TMF1: variants seen among roughly 807,000 people sequenced by gnomAD.
The protein encoded by TMF1 is TATA element modulatory factor.
In TMF1, 71 loss-of-function variants were observed where a neutral mutation model predicts 126.5. The observed-to-expected ratio is 0.56, with a 90% CI of 0.46 to 0.68. The LOEUF (loss-of-function observed/expected upper bound fraction) is 0.68, where lower values mean the gene tolerates loss of function less well. TMF1 is among the 30% of genes least tolerant of loss of function. The pLI, the probability that TMF1 is intolerant of heterozygous loss-of-function variation, is 0.00. For synonymous variants in TMF1, 461 were observed against 430.5 expected (o/e 1.07, Z -0.88); for missense variants, 1,259 against 1,253.2 (o/e 1.00, Z -0.07).
At chr3:69,044,961 A>G (rs2091887387) in intron 2 of TMF1, among the ~76,000 whole-genome samples, 1 of 152,250 alleles carries the variant, frequency 6.6e-6, no homozygotes, top group South Asian at 2.1e-4. Flanking sequence ...TACTTTATGT[A>G]GCTTCCTGGT....
intron 11 of TMF1, among the ~76,000 whole-genome samples, chr3:69,029,048 T>A (rs570209311): frequency 6.6e-6 from 1 of 151,866 alleles, no homozygotes; most frequent in Non-Finnish European, 1.5e-5. Context: ...ATTTATTTTT[T>A]TTTTTTTGGA....
chr3:69,035,681 T>A (rs561726684), intron 8 of TMF1, among the ~76,000 whole-genome samples: 10 of 152,110 alleles, frequency 6.6e-5, no homozygotes, highest in Middle Eastern at 3.4e-3. Flanking sequence ...ATATTCTAAA[T>A]CTCCATCACT....
At chr3:69,039,180 G>A (rs2091849851) in intron 6 of TMF1, among the ~76,000 whole-genome samples, 171 bp from the exon 7 acceptor site, 1 of 152,150 alleles carries the variant, frequency 6.6e-6, no homozygotes, top group Non-Finnish European at 1.5e-5. Context: ...CTGCCTCCCA[G>A]CTTCAGGCAA....
rs558653821 is a variant in TMF1, at chr3:69,052,185, T to G, written c.-99A>C. On this transcript the variant is annotated 5_prime_UTR_variant, in exon 1 of 17. Coordinates refer to ENST00000398559, the MANE Select transcript of TMF1 (RefSeq NM_007114.3). ...GAACGGCTTCGCTCCCCTTTTCCAC[T>G]CGGCTGGTTCTGTCAGCGTGTGGCC... is the stretch of plus-strand genomic sequence containing the variant. 2 of 1,348,592 alleles carry G rather than the reference T, an allele frequency of 1.5e-6. No individual in the cohort carries two copies. The highest frequency in any genetic ancestry group is 2.0e-6 in the Non-Finnish European group (2 of 1,009,422). The allele number at this position is 1,348,592 out of a possible 1,614,324, so 83.5% of individuals were successfully genotyped here. A position where few individuals can be genotyped will look rare whatever the true frequency, so the allele number is the denominator to read the frequency against.
At chr3:69,025,470 T>G (rs553448896) in intron 15 of TMF1, 90 bp downstream of exon 15, 1 of 1,277,798 alleles carries the variant, frequency 7.8e-7, no homozygotes, top group South Asian at 1.5e-5. Flanking sequence ...GTTTCTCAAT[T>G]TGCTCAGAAT....
At chr3:69,033,884 G>A (rs2091818256) in intron 9 of TMF1, 180 bp from the exon 10 acceptor site, 1 of 529,752 alleles carries the variant, frequency 1.9e-6, no homozygotes, top group South Asian at 2.7e-5. Context: ...AGGCTGGAGT[G>A]CAGTGGCACA....
In TMF1 at chr3:69,052,277, A is replaced by AG. The variant is rs150297020; in HGVS notation, c.-192dup. On this transcript the variant is annotated 5_prime_UTR_variant, in exon 1 of 17. An upstream open reading frame in the 5' UTR loses its in-frame stop. Transcript: ENST00000398559. The stretch of plus-strand genomic sequence containing the variant: ...GGCCGTTCCCGCACAGCTGAGACGA[A>AG]GGGGGCCCATGTGCGCATGCGCTTG... 5.8e-3 allele frequency: 3,064 copies of AG among 524,698 alleles called. 76 individuals carry two copies. Among genetic ancestry groups the AG allele is most frequent in the African/African-American group, 0.055 (2,803 of 50,868 alleles). 32.5% of individuals were successfully genotyped at this position (524,698 alleles called of 1,614,324 possible).
At chr3:69,046,014 C>G (rs1173879358) in intron 2 of TMF1, among the ~76,000 whole-genome samples, 1 of 152,084 alleles carries the variant, frequency 6.6e-6, no homozygotes, top group Non-Finnish European at 1.5e-5. Context: ...CATGATCGCA[C>G]CACTGCACAC....
rs544000993 is a variant in TMF1, at chr3:69,042,964, T to C, written c.1579-52A>G. 4.8e-5 allele frequency: 62 copies of C among 1,286,244 alleles called. No homozygotes were observed. The South Asian group carries it at 6.3e-4, about 13-fold the overall frequency. The allele number at this position is 1,286,244 out of a possible 1,614,324, so 79.7% of individuals were successfully genotyped here. Reference sequence around the variant, plus strand: ...CGTAAAGAATGACTTTCACTCTAAGTACAGTTCTCATTTCTCCCCCATCCA... The same window carrying C: ...CGTAAAGAATGACTTTCACTCTAAGCACAGTTCTCATTTCTCCCCCATCCA... On this transcript the variant is annotated intron_variant, in intron 4 of 16. Transcript: ENST00000398559.
chr3:69,025,249 G>A (rs146113769), intron 15 of TMF1: 60 of 216,612 alleles, frequency 2.8e-4, no homozygotes, highest in Non-Finnish European at 4.2e-4. Context: ...GGGATTCTCT[G>A]CTCCTAGATG....
intron 8 of TMF1, among the ~76,000 whole-genome samples, chr3:69,038,067 A>G (rs2091842504): frequency 6.6e-6 from 1 of 152,212 alleles, no homozygotes; most frequent in South Asian, 2.1e-4. Flanking sequence ...AATTTAAAAT[A>G]TATGTTCACA....
Position 69,052,243 on chromosome 3 carries a change from G to T in TMF1, c.-157C>A. 2.5e-6 allele frequency: 2 copies of T among 788,390 alleles called. No individual in the cohort carries two copies. Among genetic ancestry groups the T allele is most frequent in the Non-Finnish European group, 3.8e-6 (2 of 525,608 alleles). The allele number at this position is 788,390 out of a possible 1,614,324, so 48.8% of individuals were successfully genotyped here. ...CGACAGCCTCCCGCGAGCCCGGGATGTTACCCTCGGCCGTTCCCGCACAGC... is the reference window on the plus strand; with the variant it reads ...CGACAGCCTCCCGCGAGCCCGGGATTTTACCCTCGGCCGTTCCCGCACAGC... On this transcript the variant is annotated 5_prime_UTR_variant, in exon 1 of 17. Coordinates refer to ENST00000398559, the MANE Select transcript of TMF1 (RefSeq NM_007114.3).
chr3:69,051,842 A>G, intron 1 of TMF1, 103 bp downstream of exon 1: 5 of 1,343,952 alleles, frequency 3.7e-6, no homozygotes, highest in Non-Finnish European at 5.0e-6. Flanking sequence ...CTTCCTGAAA[A>G]CTCTCTCAGC....
chr3:69,049,676 C>T lies in TMF1; in HGVS notation c.143-1114G>A, dbSNP rs528367378. 1.2e-4 allele frequency among the ~76,000 whole-genome samples: 19 copies of T among 152,034 alleles called. No individual in the cohort carries two copies. The South Asian group carries it at 3.3e-3, about 27-fold the overall frequency. On this transcript the variant is annotated intron_variant, in intron 1 of 16. Coordinates refer to ENST00000398559, the MANE Select transcript of TMF1 (RefSeq NM_007114.3). ...GTTGACACTAGGGTTTTTAAAAAAG[C>T]GCTACAAAGAAAATGACTGTTTTCT...
At position 69,027,054 on chromosome 3, in the gene TMF1, G is replaced by T. The variant is rs950308343; in HGVS notation, c.2757+846C>A. ...TCTGTTGCCCAGGCTGGAATGCAGT[G>T]ATGCGATCTCGGCTCACTGCAGCCT... On this transcript the variant is annotated intron_variant, in intron 13 of 16. Transcript: ENST00000398559. Among the ~76,000 whole-genome samples, 9 of 151,984 alleles carry T rather than the reference G, an allele frequency of 5.9e-5. No individual in the cohort carries two copies. The East Asian group carries it at 1.7e-3, about 29-fold the overall frequency.
rs2091748080 is a variant in TMF1 at position 69,023,056 on chromosome 3, T to G, written c.*121A>C. 9 of 912,010 alleles carry G rather than the reference T, an allele frequency of 9.9e-6. No individual in the cohort carries two copies. The highest frequency in any genetic ancestry group is 3.4e-5 in the Admixed American group (1 of 29,206). The allele number at this position is 912,010 out of a possible 1,614,324, so 56.5% of individuals were successfully genotyped here. Reference sequence around the variant, plus strand: ...TAGTGTAAAACAATTTTAAAAAAATTTTTACACTCTACAGTAAATCCCACT... The same window carrying G: ...TAGTGTAAAACAATTTTAAAAAAATGTTTACACTCTACAGTAAATCCCACT... On this transcript the variant is annotated 3_prime_UTR_variant, in exon 17 of 17. Transcript: ENST00000398559.
intron 4 of TMF1, 56 bp downstream of exon 4, chr3:69,043,694 C>T: frequency 2.1e-6 from 3 of 1,446,066 alleles, no homozygotes; most frequent in Non-Finnish European, 1.9e-6. Flanking sequence ...GAATGCACTC[C>T]TCAAAAATCT....
chr3:69,024,113 T>C lies in TMF1; in HGVS notation c.3080A>G (p.Gln1027Arg), dbSNP rs1296464470. Residue 1027 changes from glutamine to arginine, a missense_variant, in exon 16 of 17, where the codon CAA becomes CGA. Coordinates refer to ENST00000398559, the MANE Select transcript of TMF1 (RefSeq NM_007114.3). ...CACCTTCTCTTCAAGTTCATCATTT[T>C]GATTTGTTAATTTAACTAGTTCTTC... is the stretch of plus-strand genomic sequence containing the variant. ...MAEELVKLTN[Q>R]NDELEEKVKE... is the part of the protein sequence containing the mutation. 6.2e-7 allele frequency: 1 copy of C among 1,610,956 alleles called. No homozygotes were observed. Among genetic ancestry groups the C allele is most frequent in the East Asian group, 2.2e-5 (1 of 44,652 alleles).
chr3:69,036,027 G>C (rs963425479), intron 8 of TMF1, among the ~76,000 whole-genome samples: 10 of 139,058 alleles, frequency 7.2e-5, no homozygotes, highest in Middle Eastern at 3.8e-3. Context: ...GAAACACAAA[G>C]GATATATGGA....
Sources: allele counts gnomAD v4.1 joint callset (sites outside exome capture counted in the v4.1 genomes callset), GRCh38; gene constraint gnomAD v4.1.1; transcripts MANE v1.5; gene names NCBI Gene and HGNC (gene_info 2026-07-23, HGNC 2026-07-21).